The following SHBG variants were observed in gnomAD, a reference collection of about 807,000 sequenced individuals.
The protein encoded by SHBG is sex hormone-binding globulin.
A neutral mutation model predicts 41.9 loss-of-function variants in SHBG; 37 were observed. The observed-to-expected ratio is 0.88, with a 90% confidence interval of 0.68 to 1.16. The LOEUF (loss-of-function observed/expected upper bound fraction) is 1.16. Ranked by LOEUF, SHBG falls within the 50% of genes most tolerant of loss-of-function variation. The probability of loss-of-function intolerance (pLI) is 0.00; values close to 1 mark genes in which losing one functional copy is unlikely to be tolerated. For synonymous variants in SHBG, 217 were observed against 205.8 expected (o/e 1.05, Z -0.47); for missense variants, 466 against 499.9 (o/e 0.93, Z 0.65).
At chr17:7,614,355 G>T in intron 1 of SHBG, 1 of 886,968 alleles carries the variant, frequency 1.1e-6, no homozygotes, top group Non-Finnish European at 1.7e-6. Context: ...TAAGGGCCAG[G>T]ACTCAGCTCC....
At chr17:7,627,782 G>GT (rs1417508148), upstream of SHBG, 6 of 891,980 alleles carry the variant, frequency 6.7e-6, no homozygotes, top group Admixed American at 2.1e-5. This position sits in a 1 kb window ranked among gnomAD's most constrained non-coding sequence, Gnocchi z 4.8. Flanking sequence ...CCGCGGCCTG[G>GT]TAAGTGGAGC....
At chr17:7,618,891 G>A (rs886978139) in intron 1 of SHBG, among the ~76,000 whole-genome samples, 20 of 152,188 alleles carry the variant, frequency 1.3e-4, no homozygotes, top group East Asian at 1.2e-3. Context: ...TCAAAATGAC[G>A]TAGATTGAAA....
At chr17:7,619,531 C>A (rs2072053319) in intron 1 of SHBG, among the ~76,000 whole-genome samples, 1 of 151,408 alleles carries the variant, frequency 6.6e-6, no homozygotes, top group Non-Finnish European at 1.5e-5. Context: ...CATGGTGAAA[C>A]CCCATCTCTA....
chr17:7,627,715 G>A, upstream of SHBG: 1 of 1,495,786 alleles, frequency 6.7e-7, no homozygotes, highest in Non-Finnish European at 9.3e-7. This position sits in a 1 kb window ranked among gnomAD's most constrained non-coding sequence, Gnocchi z 4.8. Flanking sequence ...TACGGACTTG[G>A]ATCCTGAAGA....
At chr17:7,623,009 C>G (rs1415689767), upstream of SHBG, among the ~76,000 whole-genome samples, 1 of 150,666 alleles carries the variant, frequency 6.6e-6, no homozygotes, top group Non-Finnish European at 1.5e-5. Flanking sequence ...TGCACTCCAG[C>G]CTAGGCGAAA....
Position 7,630,884 on chromosome 17 carries a change from G to A in SHBG, c.393+15G>A. On this transcript the variant is annotated intron_variant, in intron 3 of 7. Transcript: ENST00000380450. This position sits in a 1 kb window ranked among gnomAD's most constrained non-coding sequence, Gnocchi z 4.6. ...GATGGCACCAGGTAAGCTAGCTCTG[G>A]TCCTCAGGGGAGGGATGTCTGGAGC... is the stretch of plus-strand genomic sequence containing the variant. 3 of 1,609,980 alleles carry A rather than the reference G, an allele frequency of 1.9e-6. No individual in the cohort carries two copies. The highest frequency in any genetic ancestry group is 1.7e-6 in the Non-Finnish European group (2 of 1,178,448).
intron 1 of SHBG, among the ~76,000 whole-genome samples, chr17:7,619,226 A>G (rs908286761): frequency 7.2e-5 from 11 of 151,888 alleles, no homozygotes; most frequent in Non-Finnish European, 1.6e-4. Context: ...CTCCATCTCT[A>G]CTAAAAATAC....
At chr17:7,617,229 A>G (rs908779298) in intron 1 of SHBG, among the ~76,000 whole-genome samples, 7 of 152,046 alleles carry the variant, frequency 4.6e-5, no homozygotes, top group Non-Finnish European at 7.4e-5. Context: ...AGACAAACAG[A>G]CTTGGAAGTC....
intron 1 of SHBG, chr17:7,614,466 C>T (rs1331975198): frequency 6.5e-7 from 1 of 1,540,730 alleles, no homozygotes. Flanking sequence ...TAGAAGGCCC[C>T]GTTGGAGCCG....
At chr17:7,617,127 A>G (rs1172926329) in intron 1 of SHBG, among the ~76,000 whole-genome samples, 1 of 152,068 alleles carries the variant, frequency 6.6e-6, no homozygotes, top group African/African-American at 2.4e-5. Context: ...GGTTTAGAAA[A>G]TAAGGTGATG....
intron 1 of SHBG, among the ~76,000 whole-genome samples, chr17:7,615,811 G>A (rs1226718159): frequency 6.7e-6 from 1 of 149,644 alleles, no homozygotes; most frequent in African/African-American, 2.5e-5. Flanking sequence ...TCCAGCCTGG[G>A]CGACAGAGCA....
intron 1 of SHBG, among the ~76,000 whole-genome samples, chr17:7,615,947 T>G (rs1181609622): frequency 6.6e-6 from 1 of 151,572 alleles, no homozygotes; most frequent in Non-Finnish European, 1.5e-5. Context: ...AGGCGGTGGA[T>G]CACTTGAGCC....
At chr17:7,620,045 C>T (rs574507530) in intron 1 of SHBG, among the ~76,000 whole-genome samples, 4 of 150,346 alleles carry the variant, frequency 2.7e-5, no homozygotes, top group Admixed American at 6.7e-5. Flanking sequence ...GAGCTATGAT[C>T]GTGCCACTGT....
chr17:7,614,365 C>T, intron 1 of SHBG: 1 of 1,007,080 alleles, frequency 9.9e-7, no homozygotes. Context: ...GACTCAGCTC[C>T]AGAAGCTCGA....
intron 1 of SHBG, among the ~76,000 whole-genome samples, chr17:7,615,225 C>T (rs2071949377): frequency 6.6e-6 from 1 of 152,054 alleles, no homozygotes; most frequent in African/African-American, 2.4e-5. Flanking sequence ...TCAGGCCACA[C>T]CCACTCCGCC....
rs2072389682 is a variant in SHBG, at chr17:7,630,985, C to A, written c.393+116C>A. The A allele has an allele frequency of 2.9e-6, 3 of 1,049,046 alleles. No individual in the cohort carries two copies. The highest frequency in any genetic ancestry group is 4.3e-6 in the Non-Finnish European group (3 of 704,674). 65.0% of individuals were successfully genotyped at this position (1,049,046 alleles called of 1,614,324 possible). On this transcript the variant is annotated intron_variant, in intron 3 of 7. Coordinates refer to ENST00000380450, the MANE Select transcript of SHBG (RefSeq NM_001040.5). The surrounding 1 kb of genome is among the most constrained non-coding windows in gnomAD (Gnocchi z 4.6). ...TGTCATCTCGTTTAATCCACACGAA[C>A]CCCCACAAAGTAGCTATTCTTGGCC... is the stretch of plus-strand genomic sequence containing the variant.
upstream of SHBG, chr17:7,627,940 C>A (rs929457996): frequency 5.5e-6 from 3 of 544,878 alleles, no homozygotes; most frequent in Non-Finnish European, 1.0e-5. The surrounding 1 kb of genome is among the most constrained non-coding windows in gnomAD (Gnocchi z 4.8). Context: ...CGCGTCCCCC[C>A]CAAGCCCCAC....
chr17:7,619,359 CA>C, intron 1 of SHBG, among the ~76,000 whole-genome samples: 1 of 148,564 alleles, frequency 6.7e-6, no homozygotes, highest in Middle Eastern at 3.6e-3. Flanking sequence ...CATTGCACTC[CA>C]GCCTGGGCAT....
intron 1 of SHBG, among the ~76,000 whole-genome samples, chr17:7,616,079 C>T (rs1204340636): frequency 1.4e-5 from 2 of 147,030 alleles, no homozygotes; most frequent in Non-Finnish European, 3.0e-5. Context: ...AGATCACGGG[C>T]GGGCGGATCA....
Sources: allele counts gnomAD v4.1 joint callset (sites outside exome capture counted in the v4.1 genomes callset), GRCh38; gene constraint gnomAD v4.1.1; non-coding constraint Gnocchi (gnomAD v3.1); transcripts MANE v1.5; gene names NCBI Gene and HGNC (gene_info 2026-07-23, HGNC 2026-07-21).